GPHN: variants seen among roughly 807,000 people sequenced by gnomAD.
The protein encoded by GPHN is gephyrin.
Under a neutral mutation model 95.5 loss-of-function variants are expected in GPHN, and 17 were observed. That is an observed-to-expected ratio of 0.18 (90% CI 0.12 to 0.27). The LOEUF is 0.27. Ranked by LOEUF, GPHN falls within the 10% of genes least tolerant of loss-of-function variation. GPHN has a pLI of 1.00. For synonymous variants in GPHN, 320 were observed against 322.5 expected, an observed-to-expected ratio of 0.99 and a Z score of 0.08; for missense variants, 660 against 978.1, an observed-to-expected ratio of 0.67 and a Z score of 4.34.
intron 1 of GPHN, among the ~76,000 whole-genome samples, chr14:66,641,383 A>G (rs2064400528): frequency 6.6e-6 from 1 of 152,194 alleles, no homozygotes; most frequent in Non-Finnish European, 1.5e-5. Context: ...TGACTTAACA[A>G]TATTTTTCAC....
intron 1 of GPHN, among the ~76,000 whole-genome samples, chr14:66,521,328 A>G (rs538789779): frequency 2.8e-4 from 42 of 152,096 alleles, no homozygotes; most frequent in East Asian, 5.8e-4. Flanking sequence ...TCACATGTCA[A>G]TTTTGGAGCC....
At chr14:66,582,837 A>G (rs1262632925) in intron 1 of GPHN, among the ~76,000 whole-genome samples, 2 of 152,158 alleles carry the variant, frequency 1.3e-5, no homozygotes, top group Non-Finnish European at 2.9e-5. Context: ...TAGTGCCGCA[A>G]TAAACATACA....
chr14:66,508,187 G>C lies in GPHN; in HGVS notation c.-341G>C. 2.1e-6 allele frequency: 1 copy of C among 487,762 alleles called. No homozygotes were observed. The highest frequency in any genetic ancestry group is 3.8e-6 in the Non-Finnish European group (1 of 265,874). 30.2% of individuals were successfully genotyped at this position (487,762 alleles called of 1,614,324 possible). ...CTGCCATCTAGCTGCCTTGGGTCTC[G>C]CGCTCCGCAGAGCGTTCCGACACTC... On this transcript the variant is annotated 5_prime_UTR_variant, in exon 1 of 23. Transcript: ENST00000478722.
the GPHN span, among the ~76,000 whole-genome samples, chr14:67,203,724 T>A: frequency 1.3e-5 from 2 of 152,232 alleles, no homozygotes; most frequent in African/African-American, 4.8e-5. Context: ...TGACGTGTTT[T>A]GTTTTTGAGA....
the GPHN span, chr14:67,360,486 G>A: frequency 2.9e-6 from 1 of 345,600 alleles, no homozygotes; most frequent in Non-Finnish European, 5.2e-6. Flanking sequence ...GTTTCTCCAG[G>A]AACTCACTTT....
the GPHN span, among the ~76,000 whole-genome samples, chr14:67,429,417 G>A: frequency 6.6e-6 from 1 of 151,226 alleles, no homozygotes; most frequent in Non-Finnish European, 1.5e-5. Flanking sequence ...TTTTAGTAGA[G>A]ATGGGGTTTC....
the GPHN span, chr14:67,571,568 A>C: frequency 1.8e-6 from 1 of 554,728 alleles, no homozygotes. Context: ...GAGGCCTGAG[A>C]AGCATGGAGG....
the GPHN span, among the ~76,000 whole-genome samples, chr14:67,558,100 C>T: frequency 6.6e-6 from 1 of 152,214 alleles, no homozygotes; most frequent in African/African-American, 2.4e-5. Context: ...CCTGAGAGGA[C>T]TTCTGGAACA....
chr14:67,667,817 G>C, the GPHN span, among the ~76,000 whole-genome samples: 1 of 152,084 alleles, frequency 6.6e-6, no homozygotes, highest in Non-Finnish European at 1.5e-5. Context: ...GGTGGTGGGC[G>C]CCTGTAGTCC....
intron 1 of GPHN, among the ~76,000 whole-genome samples, chr14:66,554,994 C>T (rs1225374337): frequency 6.6e-6 from 1 of 152,042 alleles, no homozygotes; most frequent in East Asian, 1.9e-4. Flanking sequence ...ATGAAGGAAC[C>T]TTATAAAGCT....
the GPHN span, among the ~76,000 whole-genome samples, chr14:67,676,299 A>C: frequency 6.6e-6 from 1 of 152,206 alleles, no homozygotes; most frequent in Non-Finnish European, 1.5e-5. Context: ...TTGATTCAAC[A>C]CACTTTGGTT....
At chr14:67,302,199 T>G in the GPHN span, 1 of 1,420,220 alleles carries the variant, frequency 7.0e-7, no homozygotes, top group Non-Finnish European at 9.4e-7. Context: ...ATTTCAGAAT[T>G]CTAATGAATA....
At chr14:66,671,382 T>A (rs937354277) in intron 1 of GPHN, among the ~76,000 whole-genome samples, 1 of 152,194 alleles carries the variant, frequency 6.6e-6, no homozygotes, top group South Asian at 2.1e-4. Flanking sequence ...GAAATGTAAT[T>A]TGAAAATTTA....
intron 3 of GPHN, among the ~76,000 whole-genome samples, chr14:66,807,090 T>A (rs1004766958): frequency 6.6e-6 from 1 of 152,150 alleles, no homozygotes; most frequent in Non-Finnish European, 1.5e-5. Context: ...CTCACAATCA[T>A]GGTGGAAGGC....
the GPHN span, among the ~76,000 whole-genome samples, chr14:67,399,993 A>T: frequency 2.0e-5 from 3 of 152,154 alleles, no homozygotes; most frequent in Non-Finnish European, 4.4e-5. Flanking sequence ...CGTTGCCCCA[A>T]CTCACTCATT....
intron 1 of GPHN, among the ~76,000 whole-genome samples, chr14:66,582,847 A>C (rs936091127): frequency 4.6e-5 from 7 of 151,988 alleles, no homozygotes; most frequent in Admixed American, 2.0e-4. Flanking sequence ...ATAAACATAC[A>C]TGTGCATGTG....
At chr14:66,923,051 T>G in intron 7 of GPHN, 113 bp downstream of exon 7, 1 of 890,374 alleles carries the variant, frequency 1.1e-6, no homozygotes. Flanking sequence ...CAGAGAACCC[T>G]AAAAAAATAA....
the GPHN span, among the ~76,000 whole-genome samples, chr14:67,440,905 G>A: frequency 6.6e-6 from 1 of 152,124 alleles, no homozygotes; most frequent in Non-Finnish European, 1.5e-5. Flanking sequence ...AGGGAAAGAA[G>A]GCTAAATATT....
Position 66,797,215 on chromosome 14 carries a change from G to A in GPHN, c.201+20694G>A, listed in dbSNP as rs2153474684. Among the ~76,000 whole-genome samples the A allele has an allele frequency of 4.0e-5, 6 of 151,708 alleles. No individual in the cohort carries two copies. In the South Asian group the frequency reaches 1.3e-3, roughly 32 times the overall value. On this transcript the variant is annotated intron_variant, in intron 3 of 22. Coordinates refer to ENST00000478722, the MANE Select transcript of GPHN (RefSeq NM_020806.5). ...GTGTCTGTTTTTATGTCAGTATCAT[G>A]ATGTTTGGGTTATTATAGCTTTGTA...
Sources: gnomAD v4.1 joint callset for allele counts (sites outside exome capture counted in the v4.1 genomes callset) on GRCh38, gnomAD v4.1.1 for gene constraint, MANE v1.5 for transcripts, NCBI Gene and HGNC (gene_info 2026-07-23, HGNC 2026-07-21) for gene names.